The following CDIN1 variants were observed in gnomAD, a reference collection of about 807,000 sequenced individuals.
The protein encoded by CDIN1 is CDAN1 interacting nuclease 1.
In CDIN1, 33 loss-of-function variants were observed where a neutral mutation model predicts 45.3. That is an observed-to-expected ratio of 0.73 (90% CI 0.55 to 0.97). The LOEUF is 0.97. CDIN1 is among the 50% of genes least tolerant of loss of function. CDIN1 has a pLI of 0.00. For missense variants in CDIN1, 303 were observed against 339.4 expected (o/e 0.89, Z 0.84); for synonymous variants, 118 against 124.4 (o/e 0.95, Z 0.34).
At chr15:36,769,705 T>C (rs2054017847) in intron 10 of CDIN1, among the ~76,000 whole-genome samples, 1 of 152,164 alleles carries the variant, frequency 6.6e-6, no homozygotes, top group African/African-American at 2.4e-5. Context: ...GTTTATTAAG[T>C]ACCTTCCTCA....
intron 10 of CDIN1, among the ~76,000 whole-genome samples, chr15:36,749,510 G>A (rs779702325): frequency 1.3e-5 from 2 of 152,112 alleles, no homozygotes; most frequent in Non-Finnish European, 2.9e-5. Flanking sequence ...TCCACTGTCT[G>A]TGGAAATTAT....
chr15:36,695,854 A>C (rs2042404882), intron 7 of CDIN1, among the ~76,000 whole-genome samples: 1 of 152,102 alleles, frequency 6.6e-6, no homozygotes, highest in South Asian at 2.1e-4. Flanking sequence ...CAAAAAAAAA[A>C]AGAGGCGGGG....
intron 5 of CDIN1, among the ~76,000 whole-genome samples, chr15:36,678,699 A>G (rs1416306394): frequency 2.6e-5 from 4 of 152,062 alleles, no homozygotes; most frequent in Non-Finnish European, 5.9e-5. Context: ...TAGTTCCCCT[A>G]TCTTGCTTAA....
chr15:36,635,019 G>C (rs2140364736), intron 1 of CDIN1, among the ~76,000 whole-genome samples: 1 of 152,216 alleles, frequency 6.6e-6, no homozygotes, highest in East Asian at 1.9e-4. Context: ...CAGAACTTTT[G>C]ACAGCTTTAT....
chr15:36,617,279 T>C (rs2038940651), intron 1 of CDIN1: 8 of 1,053,722 alleles, frequency 7.6e-6, no homozygotes, highest in Non-Finnish European at 1.2e-5. Flanking sequence ...TCAGAAGATA[T>C]ATGTAAAGAA....
intron 3 of CDIN1, among the ~76,000 whole-genome samples, chr15:36,652,639 A>G (rs1204643429): frequency 6.6e-6 from 1 of 152,084 alleles, no homozygotes; most frequent in Non-Finnish European, 1.5e-5. Context: ...TTATTTTCCA[A>G]TTGGTTTCCC....
intron 10 of CDIN1, among the ~76,000 whole-genome samples, chr15:36,798,005 A>T (rs2054871762): frequency 7.5e-6 from 1 of 132,676 alleles, no homozygotes; most frequent in South Asian, 2.5e-4. Context: ...TTCCTTCATT[A>T]TATAGTAGAG....
chr15:36,703,347 TATACATATATCAGATAGATCTATC>T, intron 8 of CDIN1, among the ~76,000 whole-genome samples: 1 of 126,370 alleles, frequency 7.9e-6, no homozygotes, highest in African/African-American at 3.4e-5. Context: ...CTATCAGATA[TATACATATATCAGATAGATCTATC>T]ATATATATAT....
At chr15:36,608,850 A>G (rs541836564) in intron 1 of CDIN1, among the ~76,000 whole-genome samples, 1 of 152,280 alleles carries the variant, frequency 6.6e-6, no homozygotes, top group South Asian at 2.1e-4. Context: ...AATCTCCTGA[A>G]TATAACTTTA....
chr15:36,656,250 T>G (rs559075272), intron 4 of CDIN1, among the ~76,000 whole-genome samples: 3 of 152,330 alleles, frequency 2.0e-5, no homozygotes, highest in East Asian at 3.9e-4. Flanking sequence ...TGAGCTGATA[T>G]TTATTTAATC....
At chr15:36,643,516 GAA>G (rs1412567474) in intron 1 of CDIN1, among the ~76,000 whole-genome samples, 1 of 152,218 alleles carries the variant, frequency 6.6e-6, no homozygotes, top group Non-Finnish European at 1.5e-5. Context: ...AAGGACAGTC[GAA>G]AAGAGTAGCA....
chr15:36,616,877 A>G (rs2038919200), intron 1 of CDIN1, among the ~76,000 whole-genome samples: 2 of 152,154 alleles, frequency 1.3e-5, no homozygotes, highest in African/African-American at 4.8e-5. Context: ...GTGAGCCGAG[A>G]TCGTGCTACT....
intron 10 of CDIN1, among the ~76,000 whole-genome samples, chr15:36,767,627 A>G (rs1355792797): frequency 6.6e-6 from 1 of 152,236 alleles, no homozygotes. Context: ...AAAGCTTCAC[A>G]TGAGTAATTG....
rs778988517 is a variant in CDIN1 at position 36,659,966 on chromosome 15, C to CTTTTTTTTTT, written c.346+2070_346+2079dup. 5.4e-3 allele frequency among the ~76,000 whole-genome samples: 566 copies of CTTTTTTTTTT among 105,058 alleles called. 6 individuals are homozygous for CTTTTTTTTTT. The highest frequency in any genetic ancestry group is 8.9e-3 in the East Asian group (30 of 3,388). 68.9% of individuals were successfully genotyped at this position (105,058 alleles called of 152,430 possible). A position where few individuals can be genotyped will look rare whatever the true frequency, so the allele number is the denominator to read the frequency against. ...TCATTCTCTCTTTTTCCTTCCTTTTCTTTTTTTTTTTTTTTTTTCTTAAAG... is the reference window on the plus strand; with the variant it reads ...TCATTCTCTCTTTTTCCTTCCTTTTCTTTTTTTTTTTTTTTTTTTTTTTTTTTTCTTAAAG... On this transcript the variant is annotated intron_variant, in intron 5 of 10. Transcript: ENST00000566621.
chr15:36,713,877 C>A (rs978499745), intron 10 of CDIN1, among the ~76,000 whole-genome samples: 1 of 152,190 alleles, frequency 6.6e-6, no homozygotes, highest in African/African-American at 2.4e-5. Context: ...TAACATCTAT[C>A]AAACATGTCA....
chr15:36,585,416 C>T (rs2037249224), intron 1 of CDIN1, among the ~76,000 whole-genome samples: 1 of 152,172 alleles, frequency 6.6e-6, no homozygotes, highest in East Asian at 1.9e-4. Context: ...CTTACTATTT[C>T]TTTGTCTTTT....
At chr15:36,624,467 A>G (rs549464464) in intron 1 of CDIN1, among the ~76,000 whole-genome samples, 6 of 152,200 alleles carry the variant, frequency 3.9e-5, no homozygotes, top group Non-Finnish European at 8.8e-5. Flanking sequence ...TTGTAGAATA[A>G]TTATAGTCCA....
chr15:36,632,172 T>TTC (rs2039706009), intron 1 of CDIN1, among the ~76,000 whole-genome samples: 1 of 152,162 alleles, frequency 6.6e-6, no homozygotes, highest in Non-Finnish European at 1.5e-5. Context: ...ACAAACTGTT[T>TTC]TCCAAAGCGG....
intron 3 of CDIN1, chr15:36,647,501 A>T (rs2040383420): frequency 6.6e-6 from 1 of 152,194 alleles, no homozygotes. Flanking sequence ...CTCAGAAGAA[A>T]GCAGTCTGAC....
Sources: allele counts gnomAD v4.1 joint callset (sites outside exome capture counted in the v4.1 genomes callset), GRCh38; gene constraint gnomAD v4.1.1; transcripts MANE v1.5; gene names NCBI Gene and HGNC (gene_info 2026-07-23, HGNC 2026-07-21).